The following BRINP1 variants were observed in gnomAD, a reference collection of about 807,000 sequenced individuals.
The protein encoded by BRINP1 is BMP/retinoic acid-inducible neural-specific protein 1.
BRINP1 carries 17 observed loss-of-function variants against 72.9 expected under a neutral mutation model. The observed-to-expected ratio is 0.23, with a 90% confidence interval of 0.16 to 0.35. BRINP1 has a LOEUF of 0.35. Among genes scored for constraint, BRINP1 ranks in the 10% least tolerant of loss-of-function variants. BRINP1 has a pLI of 1.00. For missense variants in BRINP1, 850 were observed against 1,001.6 expected (o/e 0.85, Z 2.04); for synonymous variants, 418 against 378.5 (o/e 1.10, Z -1.21).
At chr9:119,367,222 A>T (rs1231015479) in intron 1 of BRINP1, among the ~76,000 whole-genome samples, 2 of 14,368 alleles carry the variant, frequency 1.4e-4, no homozygotes, top group Non-Finnish European at 4.8e-4. Context: ...TGTGTGATTG[A>T]TATATATATA....
chr9:119,336,959 TTTTC>T (rs1268137173), intron 1 of BRINP1, among the ~76,000 whole-genome samples: 3 of 152,100 alleles, frequency 2.0e-5, no homozygotes, highest in Non-Finnish European at 4.4e-5. Flanking sequence ...TGGGGAAGCC[TTTTC>T]TTTAAGAAAA....
chr9:119,344,835 T>C (rs573816047), intron 1 of BRINP1, among the ~76,000 whole-genome samples: 5 of 152,332 alleles, frequency 3.3e-5, no homozygotes, highest in African/African-American at 1.2e-4. Context: ...TTTTTTAACG[T>C]AGCCCCTGCA....
At chr9:119,228,426 T>C (rs550757371) in intron 5 of BRINP1, among the ~76,000 whole-genome samples, 1 of 151,784 alleles carries the variant, frequency 6.6e-6, no homozygotes, top group South Asian at 2.1e-4. Context: ...TATACTCTAA[T>C]CTAATAGAAA....
chr9:119,335,429 G>T (rs576170178), intron 1 of BRINP1, among the ~76,000 whole-genome samples: 1 of 152,070 alleles, frequency 6.6e-6, no homozygotes, highest in African/African-American at 2.4e-5. Context: ...ACACTCTATC[G>T]GTGACTCACT....
At chr9:119,217,423 T>G (rs572122452) in intron 5 of BRINP1, among the ~76,000 whole-genome samples, 5 of 152,088 alleles carry the variant, frequency 3.3e-5, no homozygotes, top group Admixed American at 3.3e-4. Flanking sequence ...GCCAAGCATA[T>G]AAATTTTGCC....
At chr9:119,245,332 TG>T (rs1164230880) in intron 3 of BRINP1, among the ~76,000 whole-genome samples, 1 of 152,210 alleles carries the variant, frequency 6.6e-6, no homozygotes, top group African/African-American at 2.4e-5. Flanking sequence ...TGTGAACATC[TG>T]TCTATACAGG....
chr9:119,262,170 G>A (rs898067364), intron 2 of BRINP1, among the ~76,000 whole-genome samples: 2 of 152,248 alleles, frequency 1.3e-5, no homozygotes, highest in African/African-American at 4.8e-5. Flanking sequence ...GACACTATGT[G>A]CATGCCACAT....
intron 2 of BRINP1, among the ~76,000 whole-genome samples, chr9:119,263,601 CTTTT>C (rs386416080): frequency 1.7e-4 from 13 of 78,566 alleles, no homozygotes; most frequent in Admixed American, 8.8e-4. Flanking sequence ...GTAAACAATT[CTTTT>C]TTTTTTTTTT....
intron 7 of BRINP1, among the ~76,000 whole-genome samples, chr9:119,187,068 G>A (rs1156608356): frequency 6.6e-6 from 1 of 151,906 alleles, no homozygotes; most frequent in African/African-American, 2.4e-5. Flanking sequence ...CAGAGTCACG[G>A]TTACATCGCT....
intron 1 of BRINP1, among the ~76,000 whole-genome samples, chr9:119,334,068 GA>G (rs1405240675): frequency 7.9e-5 from 12 of 152,190 alleles, no homozygotes; most frequent in Admixed American, 3.9e-4. Flanking sequence ...AGTCTGAGAA[GA>G]AGGCCGCTTC....
intron 7 of BRINP1, among the ~76,000 whole-genome samples, chr9:119,178,292 A>G (rs912291377): frequency 2.6e-5 from 4 of 152,202 alleles, no homozygotes; most frequent in Non-Finnish European, 5.9e-5. Flanking sequence ...AGAGAGGCCA[A>G]CTGCAGAGAC....
intron 7 of BRINP1, among the ~76,000 whole-genome samples, chr9:119,199,811 T>TC (rs964135293): frequency 1.3e-5 from 2 of 151,654 alleles, no homozygotes; most frequent in South Asian, 2.1e-4. Context: ...TTTTTTTTTT[T>TC]TTCTTCAGTA....
rs1829500578 is a variant in BRINP1, at chr9:119,177,319, C to T, written c.1146-9095G>A. On this transcript the variant is annotated intron_variant, in intron 7 of 7. Coordinates refer to ENST00000265922, the MANE Select transcript of BRINP1 (RefSeq NM_014618.3). ...GGAGAACAGCAGCAGGCCCAGCCTT[C>T]AGGAAACGGAGCTGGAATAATAATG... 2.6e-5 allele frequency among the ~76,000 whole-genome samples: 4 copies of T among 152,276 alleles called. No homozygotes were observed. The South Asian group carries it at 8.3e-4, about 32-fold the overall frequency.
intron 5 of BRINP1, among the ~76,000 whole-genome samples, chr9:119,228,897 G>A (rs1195975634): frequency 1.3e-5 from 2 of 152,040 alleles, no homozygotes; most frequent in East Asian, 3.9e-4. Context: ...GCTATGACTT[G>A]GGAAGATTAA....
Position 119,184,085 on chromosome 9 carries a change from G to A in BRINP1, c.1146-15861C>T, listed in dbSNP as rs377149364. Among the ~76,000 whole-genome samples, 84 of 152,186 alleles carry A rather than the reference G, an allele frequency of 5.5e-4. 2 individuals carry two copies. The South Asian group carries it at 0.016, about 29-fold the overall frequency. On this transcript the variant is annotated intron_variant, in intron 7 of 7. Transcript: ENST00000265922. Reference sequence around the variant, plus strand: ...AGGAAGCTACTTCCGAGCCACAGGGGGGGAGAAAAAAAGAAAAAACCAAAA... The same window carrying A: ...AGGAAGCTACTTCCGAGCCACAGGGAGGGAGAAAAAAAGAAAAAACCAAAA...
Position 119,238,739 on chromosome 9 carries a change from G to C in BRINP1, c.601C>G (p.Pro201Ala). 2 of 1,609,360 alleles carry C rather than the reference G, an allele frequency of 1.2e-6. No homozygotes were observed. Among genetic ancestry groups the C allele is most frequent in the Non-Finnish European group, 1.7e-6 (2 of 1,177,898 alleles). The change falls in exon 5 of 8, where the codon CCT (proline) becomes GCT (alanine). Residue 201 changes from proline to alanine, a missense_variant. Transcript: ENST00000265922. Reference sequence around the variant, plus strand: ...TTGTCATAGCTGTTACAGCCCAGAGGCCCAGTGCGTGTCTCTGTGACCTGC... The same window carrying C: ...TTGTCATAGCTGTTACAGCCCAGAGCCCCAGTGCGTGTCTCTGTGACCTGC... ...AIKVTETRTGPLGCNSYDNLD... is the reference protein window; with the variant it reads ...AIKVTETRTGALGCNSYDNLD...
At chr9:119,181,362 G>A (rs1270968334) in intron 7 of BRINP1, among the ~76,000 whole-genome samples, 1 of 152,162 alleles carries the variant, frequency 6.6e-6, no homozygotes, top group Non-Finnish European at 1.5e-5. Flanking sequence ...AGGTGAGAGA[G>A]TAAGTTAAAT....
chr9:119,339,718 T>A (rs1831388467), intron 1 of BRINP1, among the ~76,000 whole-genome samples: 1 of 152,014 alleles, frequency 6.6e-6, no homozygotes, highest in African/African-American at 2.4e-5. Context: ...CTCAGAGAGG[T>A]TAAGTGATTC....
intron 1 of BRINP1, among the ~76,000 whole-genome samples, chr9:119,325,555 C>T (rs536560189): frequency 1.6e-4 from 24 of 152,332 alleles, no homozygotes; most frequent in African/African-American, 5.5e-4. Context: ...TTGCCTTACA[C>T]ACTTCTTTTT....
Sources: gnomAD v4.1 joint callset for allele counts (sites outside exome capture counted in the v4.1 genomes callset) on GRCh38, gnomAD v4.1.1 for gene constraint, MANE v1.5 for transcripts, NCBI Gene and HGNC (gene_info 2026-07-23, HGNC 2026-07-21) for gene names.